The following KIF18A variants were observed in gnomAD, a reference collection of about 807,000 sequenced individuals.
KIF18A encodes the protein kinesin family member 18A, also known as kinesin-like protein KIF18A.
Under a neutral mutation model 103.3 loss-of-function variants are expected in KIF18A, and 67 were observed. The observed-to-expected ratio is 0.65, with a 90% CI of 0.53 to 0.79. KIF18A has a LOEUF of 0.79. Among genes scored for constraint, KIF18A ranks in the 30% least tolerant of loss-of-function variants. The pLI is 0.00. For missense variants in KIF18A, 1,032 were observed against 1,062.5 expected, an observed-to-expected ratio of 0.97 and a Z score of 0.40; for synonymous variants, 367 against 355.5, an observed-to-expected ratio of 1.03 and a Z score of -0.36.
At chr11:28,069,500 T>C in intron 10 of KIF18A, 77 bp from the exon 11 acceptor site, 1 of 1,336,658 alleles carries the variant, frequency 7.5e-7, no homozygotes, top group South Asian at 1.4e-5. Context: ...ACTAGTATAT[T>C]TTCTTATGTG....
At chr11:28,064,444 C>T (rs550655330) in intron 11 of KIF18A, among the ~76,000 whole-genome samples, 1 of 152,006 alleles carries the variant, frequency 6.6e-6, no homozygotes, top group South Asian at 2.1e-4. Flanking sequence ...CCACATATTG[C>T]ATCTTTTTTC....
chr11:28,056,161 GT>G (rs11389722), intron 13 of KIF18A, among the ~76,000 whole-genome samples: 84 of 141,568 alleles, frequency 5.9e-4, no homozygotes, highest in Middle Eastern at 3.7e-3. Context: ...AACCATCCAT[GT>G]TTTTTTTTTT....
chr11:28,059,202 C>T (rs1306073546), intron 12 of KIF18A, 41 bp from the exon 13 acceptor site: 7 of 1,335,996 alleles, frequency 5.2e-6, no homozygotes, highest in Non-Finnish European at 7.4e-6. Context: ...ATAAATATGA[C>T]ATTTTAAACA....
chr11:28,051,126 C>T (rs1301196520), intron 13 of KIF18A, among the ~76,000 whole-genome samples: 2 of 151,114 alleles, frequency 1.3e-5, no homozygotes, highest in African/African-American at 2.4e-5. Context: ...TTCTAGAGTA[C>T]GAAGATTTGA....
intron 7 of KIF18A, among the ~76,000 whole-genome samples, chr11:28,083,507 T>A (rs1312998134): frequency 1.3e-5 from 2 of 152,130 alleles, no homozygotes; most frequent in African/African-American, 4.8e-5. Flanking sequence ...TTCTTACTCC[T>A]TTGACTTCTA....
chr11:28,070,955 C>T (rs932468071), intron 10 of KIF18A, among the ~76,000 whole-genome samples: 1 of 152,174 alleles, frequency 6.6e-6, no homozygotes, highest in Non-Finnish European at 1.5e-5. Context: ...GGTGGAGGGG[C>T]TGATGTGGGA....
chr11:28,025,627 A>T (rs1850308379), intron 15 of KIF18A, among the ~76,000 whole-genome samples: 1 of 151,956 alleles, frequency 6.6e-6, no homozygotes, highest in South Asian at 2.1e-4. Flanking sequence ...TATAAAAGTA[A>T]AATATACCCA....
chr11:28,106,922 G>A (rs1302513444), intron 1 of KIF18A, among the ~76,000 whole-genome samples: 1 of 152,114 alleles, frequency 6.6e-6, no homozygotes, highest in African/African-American at 2.4e-5. Flanking sequence ...AGTGAGCAGC[G>A]ATCACGTCAC....
At chr11:28,045,732 A>G (rs1354913960) in intron 13 of KIF18A, among the ~76,000 whole-genome samples, 1 of 152,116 alleles carries the variant, frequency 6.6e-6, no homozygotes, top group East Asian at 1.9e-4. Flanking sequence ...ACATCTAAAC[A>G]CTAATGAATC....
chr11:28,059,011 G>C lies in KIF18A; in HGVS notation c.1863C>G (p.Ala621=). 6 of 1,613,954 alleles carry C rather than the reference G, an allele frequency of 3.7e-6. No individual in the cohort carries two copies. The highest frequency in any genetic ancestry group is 5.1e-6 in the Non-Finnish European group (6 of 1,179,952). ...KKVVVWADQT[A]EQPKQNDLPG... is the part of the protein sequence containing the mutation. ...GTAGATCGTTTTGCTTTGGTTGTTC[G>C]GCAGTTTGGTCAGCCCAAACTACCA... Residue 621 remains alanine, a synonymous_variant, in exon 13 of 17, where the codon GCC becomes GCG. Transcript: ENST00000263181.
intron 6 of KIF18A, among the ~76,000 whole-genome samples, chr11:28,085,134 A>G (rs894425292): frequency 3.3e-5 from 5 of 152,184 alleles, no homozygotes; most frequent in Admixed American, 3.3e-4. Context: ...GGACATTGTG[A>G]GAAGTGATCT....
intron 8 of KIF18A, 27 bp downstream of exon 8, chr11:28,083,142 C>T: frequency 1.3e-6 from 2 of 1,571,754 alleles, no homozygotes; most frequent in Non-Finnish European, 1.7e-6. Flanking sequence ...CTGCGCAAGA[C>T]TAGCATAAAA....
intron 6 of KIF18A, among the ~76,000 whole-genome samples, chr11:28,086,961 AG>A (rs1202369345): frequency 6.6e-6 from 1 of 152,152 alleles, no homozygotes; most frequent in African/African-American, 2.4e-5. Context: ...ATGTGATTTC[AG>A]TAATTTGCCT....
rs914233268 is a variant in KIF18A at position 28,108,070 on chromosome 11, G to C, written c.-53C>G. ...TCCCAGAGTCCAGTTTTACCTTCAT[G>C]TGCCTCTCACTCACTTCAGGCCCAG... On this transcript the variant is annotated 5_prime_UTR_variant, in exon 1 of 17. Transcript: ENST00000263181. The C allele has an allele frequency of 4.6e-5, 7 of 152,406 alleles. No individual in the cohort carries two copies. The highest frequency in any genetic ancestry group is 1.7e-4 in the African/African-American group (7 of 41,426). The allele number at this position is 152,406 out of a possible 1,614,324, so 9.4% of individuals were successfully genotyped here. A position where few individuals can be genotyped will look rare whatever the true frequency, so the allele number is the denominator to read the frequency against.
chr11:28,093,923 C>T lies in KIF18A; in HGVS notation c.483+720G>A, dbSNP rs117597209. Among the ~76,000 whole-genome samples the T allele has an allele frequency of 6.6e-4, 100 of 152,228 alleles. No individual in the cohort carries two copies. The East Asian group carries it at 0.018, about 27-fold the overall frequency. The stretch of plus-strand genomic sequence containing the variant: ...TACTTACTAATTATAAATGGTAAAA[C>T]GTATCTTCAAAGTGGAGAAACTCTA... On this transcript the variant is annotated intron_variant, in intron 3 of 16. Coordinates refer to ENST00000263181, the MANE Select transcript of KIF18A (RefSeq NM_031217.4).
At chr11:28,098,106 G>A (rs189275615) in intron 1 of KIF18A, 113 bp from the exon 2 acceptor site, 181 of 565,800 alleles carry the variant, frequency 3.2e-4, no homozygotes, top group Non-Finnish European at 5.0e-4. Context: ...TCACTCACTA[G>A]GTAAACACTG....
chr11:28,067,337 A>C (rs1272193899), intron 11 of KIF18A, among the ~76,000 whole-genome samples: 1 of 152,148 alleles, frequency 6.6e-6, no homozygotes, highest in East Asian at 1.9e-4. Flanking sequence ...TGGCTCAATA[A>C]ATATCCACAA....
chr11:28,058,268 C>T (rs1404953), intron 13 of KIF18A, among the ~76,000 whole-genome samples: 151,401 of 151,960 alleles, frequency 1, 75,428 homozygotes, highest in Middle Eastern at 1. Flanking sequence ...AGATTATTAT[C>T]ATAAAATATG....
intron 15 of KIF18A, among the ~76,000 whole-genome samples, chr11:28,033,958 C>A (rs1185114858): frequency 1.3e-5 from 2 of 151,250 alleles, no homozygotes; most frequent in African/African-American, 4.8e-5. Flanking sequence ...TCCCATGCAC[C>A]CCCTAATATA....
Sources: allele counts gnomAD v4.1 joint callset (sites outside exome capture counted in the v4.1 genomes callset), GRCh38; gene constraint gnomAD v4.1.1; transcripts MANE v1.5; gene names NCBI Gene and HGNC (gene_info 2026-07-23, HGNC 2026-07-21).